Variants in ALOX5 observed in about 807,000 individuals in gnomAD.
ALOX5 encodes arachidonate 5-lipoxygenase.
Under a neutral mutation model 87.9 loss-of-function variants are expected in ALOX5, and 64 were observed. That is an observed-to-expected ratio of 0.73 (90% confidence interval 0.60 to 0.90). The LOEUF is 0.90. Ranked by LOEUF, ALOX5 falls within the 40% of genes least tolerant of loss-of-function variation. The pLI is 0.00. For missense variants in ALOX5, 822 were observed against 907.5 expected (o/e 0.91, Z 1.21); for synonymous variants, 388 against 355.1 (o/e 1.09, Z -1.04).
chr10:45,392,007 G>A (rs1225088744), intron 2 of ALOX5, among the ~76,000 whole-genome samples: 15 of 151,030 alleles, frequency 9.9e-5, no homozygotes, highest in East Asian at 5.9e-4. Context: ...TCAGCCCCCC[G>A]CCCGGCCAGC....
At chr10:45,392,874 A>G (rs972355485) in intron 2 of ALOX5, among the ~76,000 whole-genome samples, 2 of 152,224 alleles carry the variant, frequency 1.3e-5, no homozygotes, top group Admixed American at 1.3e-4. Context: ...AAATTCCTCG[A>G]CACATACACC....
At chr10:45,386,589 A>AG (rs1840016175) in intron 2 of ALOX5, among the ~76,000 whole-genome samples, 1 of 152,038 alleles carries the variant, frequency 6.6e-6, no homozygotes, top group Non-Finnish European at 1.5e-5. Context: ...TAAGAAAAAA[A>AG]AAGACTTGGA....
chr10:45,387,259 G>A (rs1840041171), intron 2 of ALOX5, among the ~76,000 whole-genome samples: 1 of 152,110 alleles, frequency 6.6e-6, no homozygotes, highest in Non-Finnish European at 1.5e-5. Flanking sequence ...TTAGAATGGA[G>A]CTCATTCTCA....
intron 9 of ALOX5, 164 bp from the exon 10 acceptor site, chr10:45,442,874 C>G (rs757328683): frequency 1.4e-6 from 1 of 722,494 alleles, no homozygotes. Context: ...CCCGGCTGCC[C>G]TTGTCATTCT....
In ALOX5 at chr10:45,425,123, G is replaced by A; in HGVS notation, c.825G>A (p.Gln275=). The part of the protein sequence containing the change: ...CSLERQLSLE[Q]EVQQGNIFIV... The stretch of plus-strand genomic sequence containing the variant: ...TGGAGCGGCAGCTCAGCTTGGAGCA[G>A]GAGGTCCAGGTAGGGGTTGATGGGC... The change falls in exon 6 of 14, where the codon CAG becomes CAA. Residue 275 remains glutamine (Q), a synonymous_variant. Transcript: ENST00000374391. The surrounding 1 kb of genome is among the most constrained non-coding windows in gnomAD (Gnocchi z 4.4). 1 of 1,613,694 alleles carries A rather than the reference G, an allele frequency of 6.2e-7. No individual in the cohort carries two copies. The highest frequency in any genetic ancestry group is 2.2e-5 in the East Asian group (1 of 44,886).
rs1327960257 is a variant in ALOX5, at chr10:45,374,388, C to G, written c.109C>G (p.Leu37Val). 1 of 1,564,678 alleles carries G rather than the reference C, an allele frequency of 6.4e-7. No individual in the cohort carries two copies. The highest frequency in any genetic ancestry group is 8.6e-7 in the Non-Finnish European group (1 of 1,159,450). Reference sequence around the variant, plus strand: ...CTCGGCGGGCTGCAGCGAGAAGCACCTGCTGGACAAGCCCTTCTACAACGA... The same window carrying G: ...CTCGGCGGGCTGCAGCGAGAAGCACGTGCTGGACAAGCCCTTCTACAACGA... ...VGSAGCSEKH[L>V]LDKPFYNDFE... The change falls in exon 1 of 14, where the codon CTG becomes GTG. Residue 37 changes from leucine to valine, a missense_variant. Leu to Val is a conservative substitution (Grantham distance 32). Coordinates refer to ENST00000374391, the MANE Select transcript of ALOX5 (RefSeq NM_000698.5).
intron 3 of ALOX5, among the ~76,000 whole-genome samples, chr10:45,410,670 A>G (rs1430373161): frequency 2.0e-5 from 3 of 152,220 alleles, no homozygotes; most frequent in Non-Finnish European, 4.4e-5. Context: ...CTCAAAAGAA[A>G]ATTTTAAAAG....
At position 45,432,944 on chromosome 10, in the gene ALOX5, C is replaced by A. The variant is rs76000028; in HGVS notation, c.981+4180C>A. Among the ~76,000 whole-genome samples the A allele has an allele frequency of 3.8e-3, 573 of 152,220 alleles. 11 individuals carry two copies. The East Asian group carries it at 0.053, about 14-fold the overall frequency. On this transcript the variant is annotated intron_variant, in intron 7 of 13. Transcript: ENST00000374391. Reference sequence around the variant, plus strand: ...GCCTATCTATGATACACAGGTAGCTCCTTTACATTGACGGGAAAATACCAA... The same window carrying A: ...GCCTATCTATGATACACAGGTAGCTACTTTACATTGACGGGAAAATACCAA...
intron 1 of ALOX5, among the ~76,000 whole-genome samples, chr10:45,374,823 C>T (rs1839537461): frequency 1.3e-5 from 2 of 152,200 alleles, no homozygotes; most frequent in African/African-American, 2.4e-5. Context: ...TCCTTAGGCT[C>T]CTTCTGCAGG....
intron 2 of ALOX5, among the ~76,000 whole-genome samples, chr10:45,394,183 C>T (rs551041184): frequency 1.3e-5 from 2 of 152,018 alleles, no homozygotes; most frequent in East Asian, 1.9e-4. Flanking sequence ...CTGGAGGCAT[C>T]ATGCTACCTG....
chr10:45,440,744 G>T, intron 8 of ALOX5, 111 bp downstream of exon 8: 1 of 1,206,548 alleles, frequency 8.3e-7, no homozygotes, highest in East Asian at 2.5e-5. Context: ...GTGGCAGAAA[G>T]GGAGCCCTGG....
At chr10:45,389,723 C>G (rs1215245350) in intron 2 of ALOX5, among the ~76,000 whole-genome samples, 2 of 132,574 alleles carry the variant, frequency 1.5e-5, no homozygotes, top group East Asian at 5.7e-4. Context: ...CAACTGGTAC[C>G]AGCCACTGCA....
At chr10:45,415,272 A>C (rs368018593) in intron 4 of ALOX5, among the ~76,000 whole-genome samples, 13 of 152,132 alleles carry the variant, frequency 8.5e-5, no homozygotes, top group Non-Finnish European at 1.5e-4. Flanking sequence ...AGGATGAGTT[A>C]ATGTCCTTTG....
chr10:45,423,471 C>T (rs1441334253), intron 4 of ALOX5, among the ~76,000 whole-genome samples: 1 of 152,186 alleles, frequency 6.6e-6, no homozygotes, highest in Non-Finnish European at 1.5e-5. Context: ...CTCCAGGAAG[C>T]CCTGGGGATT....
chr10:45,416,988 CTG>C (rs1439735600), intron 4 of ALOX5, among the ~76,000 whole-genome samples: 1 of 152,046 alleles, frequency 6.6e-6, no homozygotes, highest in African/African-American at 2.4e-5. Flanking sequence ...GAAGGCCAGA[CTG>C]TGCCTTTCTT....
At chr10:45,403,757 C>T (rs1204799722) in intron 3 of ALOX5, among the ~76,000 whole-genome samples, 4 of 152,152 alleles carry the variant, frequency 2.6e-5, no homozygotes, top group Non-Finnish European at 5.9e-5. Flanking sequence ...GTGCACAAGC[C>T]TCTCAGCTCA....
intron 2 of ALOX5, among the ~76,000 whole-genome samples, chr10:45,383,613 G>C (rs1839916596): frequency 1.3e-5 from 2 of 152,186 alleles, no homozygotes; most frequent in Admixed American, 6.5e-5. Flanking sequence ...AAGTTTGGTG[G>C]GGTAGGTAGG....
chr10:45,388,141 C>G (rs1014491326), intron 2 of ALOX5, among the ~76,000 whole-genome samples: 2 of 152,214 alleles, frequency 1.3e-5, no homozygotes, highest in Non-Finnish European at 2.9e-5. Context: ...AGATTATATC[C>G]CATGTCTGGC....
chr10:45,400,894 C>T (rs1488757546), intron 3 of ALOX5, among the ~76,000 whole-genome samples: 1 of 152,170 alleles, frequency 6.6e-6, no homozygotes, highest in Admixed American at 6.5e-5. Flanking sequence ...ACATACAACT[C>T]TGCAAATATA....
Sources: gnomAD v4.1 joint callset for allele counts (sites outside exome capture counted in the v4.1 genomes callset) on GRCh38, gnomAD v4.1.1 for gene constraint, Gnocchi (gnomAD v3.1) non-coding constraint, MANE v1.5 for transcripts, NCBI Gene and HGNC (gene_info 2026-07-23, HGNC 2026-07-21) for gene names.